GABBR2: variants seen among roughly 807,000 people sequenced by gnomAD.
The protein encoded by GABBR2 is G-protein coupled receptor 51.
In GABBR2, 23 loss-of-function variants were observed where a neutral mutation model predicts 105.6. That is an observed-to-expected ratio of 0.22 (90% CI 0.16 to 0.31). GABBR2 has a LOEUF of 0.31. Ranked by LOEUF, GABBR2 falls within the 10% of genes least tolerant of loss-of-function variation. The pLI, the probability that GABBR2 is intolerant of heterozygous loss-of-function variation, is 1.00. For synonymous variants in GABBR2, 478 were observed against 499.7 expected, an observed-to-expected ratio of 0.96 and a Z score of 0.58; for missense variants, 734 against 1,245.5, an observed-to-expected ratio of 0.59 and a Z score of 6.18.
intron 2 of GABBR2, among the ~76,000 whole-genome samples, chr9:98,567,243 C>G (rs1828765749): frequency 6.6e-6 from 1 of 152,190 alleles, no homozygotes; most frequent in African/African-American, 2.4e-5. Context: ...CTTTAGAGAC[C>G]ATGATCTTGA....
intron 13 of GABBR2, among the ~76,000 whole-genome samples, chr9:98,320,448 T>C (rs1830799481): frequency 6.6e-6 from 1 of 151,900 alleles, no homozygotes; most frequent in Non-Finnish European, 1.5e-5. Context: ...GAACTAGAAA[T>C]ACCATTTGAC....
intron 5 of GABBR2, among the ~76,000 whole-genome samples, chr9:98,476,998 C>T (rs1016437026): frequency 1.3e-5 from 2 of 152,206 alleles, no homozygotes; most frequent in Admixed American, 6.5e-5. Flanking sequence ...GCCTCCAGGA[C>T]TCCATTGCAG....
At chr9:98,550,052 T>A (rs1467785710) in intron 2 of GABBR2, among the ~76,000 whole-genome samples, 1 of 152,220 alleles carries the variant, frequency 6.6e-6, no homozygotes, top group Non-Finnish European at 1.5e-5. Context: ...TTGACCTTCA[T>A]CCTGGAGCGT....
At chr9:98,551,400 C>T (rs1294334208) in intron 2 of GABBR2, among the ~76,000 whole-genome samples, 1 of 152,160 alleles carries the variant, frequency 6.6e-6, no homozygotes, top group African/African-American at 2.4e-5. Flanking sequence ...CAGAGCAAGA[C>T]TTTGTCTCAA....
At chr9:98,329,668 C>T (rs1830988821) in intron 13 of GABBR2, among the ~76,000 whole-genome samples, 1 of 152,248 alleles carries the variant, frequency 6.6e-6, no homozygotes, top group African/African-American at 2.4e-5. Flanking sequence ...TGTACCACCT[C>T]CTGAGCCTGT....
chr9:98,602,753 C>T (rs1032757972), intron 1 of GABBR2, among the ~76,000 whole-genome samples: 6 of 152,180 alleles, frequency 3.9e-5, no homozygotes, highest in African/African-American at 1.4e-4. Context: ...CAAGTTCTCA[C>T]GGAGATGCTC....
rs1832247414 is a variant in GABBR2, at chr9:98,394,239, C to T, written c.1314G>A (p.Lys438=). 18 of 1,613,384 alleles carry T rather than the reference C, an allele frequency of 1.1e-5. No homozygotes were observed. The East Asian group carries it at 4.0e-4, about 36-fold the overall frequency. ...FTQFQDSREV[K]VGEYNAVADT... ...CGGCCACAGCGTTGTACTCTCCCAC[C>T]TTCACCTCCCTGCTGTCTGTGGGGA... Residue 438 remains lysine (K), a synonymous_variant, in exon 9 of 19, where the codon AAG becomes AAA. Transcript: ENST00000259455.
At chr9:98,319,370 AC>A (rs1646065962) in intron 13 of GABBR2, among the ~76,000 whole-genome samples, 1 of 151,660 alleles carries the variant, frequency 6.6e-6, no homozygotes, top group African/African-American at 2.4e-5. Flanking sequence ...GCAGCCCCGC[AC>A]CTCTGAGGCA....
In GABBR2 at chr9:98,680,218, C is replaced by CA. The variant is rs796328438; in HGVS notation, c.321+28198dup. On this transcript the variant is annotated intron_variant, in intron 1 of 18. Transcript: ENST00000259455. ...TTCTGAATGTGAAGACTCAATACTG[C>CA]AAAAAAAAAATTATTCTCCTTTAAT... Among the ~76,000 whole-genome samples the CA allele has an allele frequency of 1.3e-3, 194 of 148,994 alleles. 1 individual carries two copies. Among genetic ancestry groups the CA allele is most frequent in the African/African-American group, 3.4e-3 (141 of 40,870 alleles).
At chr9:98,622,576 G>C (rs188495807) in intron 1 of GABBR2, among the ~76,000 whole-genome samples, 1 of 152,316 alleles carries the variant, frequency 6.6e-6, no homozygotes, top group Admixed American at 6.5e-5. Flanking sequence ...ACCCACACCT[G>C]TCCTCAGGAT....
In GABBR2 at chr9:98,306,229, G is replaced by A. The variant is rs148077461; in HGVS notation, c.2121C>T (p.Ala707=). The part of the protein sequence containing the change: ...YNVGIMCIIG[A]AVSFLTRDQP... ...GGTCCCGGGTCAGGAAGGAGACAGC[G>A]GCCCCGATGATGCACATGATCCCCA... The change falls in exon 15 of 19, where the codon GCC becomes GCT. Residue 707 remains alanine (A), a synonymous_variant. Transcript: ENST00000259455. The surrounding 1 kb of genome is among the most constrained non-coding windows in gnomAD (Gnocchi z 5.4). 8.5e-5 allele frequency: 138 copies of A among 1,614,100 alleles called. No individual in the cohort carries two copies. The highest frequency in any genetic ancestry group is 1.1e-4 in the Non-Finnish European group (130 of 1,179,976).
intron 1 of GABBR2, among the ~76,000 whole-genome samples, chr9:98,626,154 T>C (rs766338900): frequency 1.1e-4 from 16 of 152,194 alleles, no homozygotes; most frequent in Non-Finnish European, 2.1e-4. Flanking sequence ...AAGGACCATA[T>C]ATTGTATAAT....
At chr9:98,596,781 G>A (rs895880592) in intron 1 of GABBR2, among the ~76,000 whole-genome samples, 9 of 152,036 alleles carry the variant, frequency 5.9e-5, no homozygotes, top group African/African-American at 1.7e-4. Context: ...AGCTGCCTCC[G>A]CGTTTGGAGG....
At chr9:98,434,930 G>GT (rs1825874746) in intron 7 of GABBR2, among the ~76,000 whole-genome samples, 1 of 152,166 alleles carries the variant, frequency 6.6e-6, no homozygotes, top group Non-Finnish European at 1.5e-5. Flanking sequence ...TGTTCTGTAG[G>GT]TAGGGGCAGC....
In GABBR2 at chr9:98,690,510, A is replaced by G. The variant is rs536217174; in HGVS notation, c.321+17907T>C. Among the ~76,000 whole-genome samples, 4 of 152,300 alleles carry G rather than the reference A, an allele frequency of 2.6e-5. No individual in the cohort carries two copies. The South Asian group carries it at 6.2e-4, about 24-fold the overall frequency. Reference sequence around the variant, plus strand: ...GAATCTCTTTCATCCAAATGTGTAGAGAAGGAATAGCCCGCCCTTCTCTGC... The same window carrying G: ...GAATCTCTTTCATCCAAATGTGTAGGGAAGGAATAGCCCGCCCTTCTCTGC... On this transcript the variant is annotated intron_variant, in intron 1 of 18. Transcript: ENST00000259455.
At chr9:98,387,568 A>C (rs1457359183) in intron 10 of GABBR2, among the ~76,000 whole-genome samples, 1 of 151,694 alleles carries the variant, frequency 6.6e-6, no homozygotes, top group Non-Finnish European at 1.5e-5. Context: ...GGAGAAGAAA[A>C]CTCTTTTCTG....
chr9:98,462,688 T>C (rs901545098), intron 6 of GABBR2, among the ~76,000 whole-genome samples: 1 of 152,134 alleles, frequency 6.6e-6, no homozygotes, highest in Non-Finnish European at 1.5e-5. Context: ...ACTGGAACTC[T>C]CAATCACTGC....
chr9:98,693,304 G>C (rs1006075517), intron 1 of GABBR2, among the ~76,000 whole-genome samples: 2 of 152,080 alleles, frequency 1.3e-5, no homozygotes, highest in Non-Finnish European at 2.9e-5. Flanking sequence ...TTTCAGTCCC[G>C]GGCATTGAGC....
At chr9:98,543,304 T>C (rs1180280760) in intron 2 of GABBR2, among the ~76,000 whole-genome samples, 3 of 151,818 alleles carry the variant, frequency 2.0e-5, no homozygotes, top group Admixed American at 6.6e-5. Flanking sequence ...CTAATTTGCA[T>C]TTTTCTTAGA....
Sources: allele counts gnomAD v4.1 joint callset (sites outside exome capture counted in the v4.1 genomes callset), GRCh38; gene constraint gnomAD v4.1.1; non-coding constraint Gnocchi (gnomAD v3.1); transcripts MANE v1.5; gene names NCBI Gene and HGNC (gene_info 2026-07-23, HGNC 2026-07-21).